Variants in ZSWIM5 observed in about 807,000 individuals in gnomAD.
ZSWIM5 encodes the protein zinc finger SWIM domain-containing protein 5.
A neutral mutation model predicts 119.6 loss-of-function variants in ZSWIM5; 55 were observed. That is an observed-to-expected ratio of 0.46 (90% CI 0.37 to 0.58). The LOEUF (loss-of-function observed/expected upper bound fraction) is 0.58, where lower values mean the gene tolerates loss of function less well. ZSWIM5 is among the 20% of genes least tolerant of loss of function. The pLI is 0.00. For synonymous variants in ZSWIM5, 537 were observed against 606.9 expected, an observed-to-expected ratio of 0.88 and a Z score of 1.69; for missense variants, 1,193 against 1,512.8, an observed-to-expected ratio of 0.79 and a Z score of 3.51.
At chr1:45,030,430 A>G (rs1644946068) in intron 11 of ZSWIM5, among the ~76,000 whole-genome samples, 2 of 151,820 alleles carry the variant, frequency 1.3e-5, no homozygotes, top group Non-Finnish European at 2.9e-5. Flanking sequence ...TATTTTTAGT[A>G]CAGACAGGGT....
chr1:45,077,808 C>A (rs1362784769), intron 2 of ZSWIM5, among the ~76,000 whole-genome samples: 4 of 152,202 alleles, frequency 2.6e-5, no homozygotes, highest in African/African-American at 9.7e-5. Flanking sequence ...CAGGGACGTT[C>A]CATGCTGAGA....
At chr1:45,024,178 CTTTCT>C (rs1384889634) in intron 11 of ZSWIM5, among the ~76,000 whole-genome samples, 2 of 138,142 alleles carry the variant, frequency 1.4e-5, no homozygotes, top group African/African-American at 2.6e-5. Context: ...AACAGTTTTT[CTTTCT>C]TTTCTTTTCT....
Position 45,102,721 on chromosome 1 carries a change from T to G in ZSWIM5, c.596-14484A>C, listed in dbSNP as rs114649837. 8.2e-3 allele frequency among the ~76,000 whole-genome samples: 1,245 copies of G among 152,288 alleles called. 11 individuals carry two copies. The highest frequency in any genetic ancestry group is 0.012 in the Non-Finnish European group (787 of 68,030). On this transcript the variant is annotated intron_variant, in intron 1 of 13. Coordinates refer to ENST00000359600, the MANE Select transcript of ZSWIM5 (RefSeq NM_020883.2). The stretch of plus-strand genomic sequence containing the variant: ...TAAGCATGTTTATAAAATTCCTGAT[T>G]TGTGATTAAAATAAGCCAGTAATTA...
intron 1 of ZSWIM5, among the ~76,000 whole-genome samples, chr1:45,172,943 T>G (rs1645955290): frequency 6.6e-6 from 1 of 151,950 alleles, no homozygotes; most frequent in African/African-American, 2.4e-5. Context: ...GTGGGAAGAT[T>G]GCTTAAGACC....
intron 3 of ZSWIM5, 124 bp from the exon 4 acceptor site, chr1:45,058,883 AAAG>A (rs1319810054): frequency 7.4e-6 from 8 of 1,076,026 alleles, no homozygotes; most frequent in Middle Eastern, 2.5e-4. Flanking sequence ...AAAGAGCCAG[AAAG>A]AAGGCCTCTT....
At chr1:45,159,204 T>TA (rs1458464610) in intron 1 of ZSWIM5, among the ~76,000 whole-genome samples, 1 of 152,184 alleles carries the variant, frequency 6.6e-6, no homozygotes, top group Non-Finnish European at 1.5e-5. Flanking sequence ...TAAGTTATAG[T>TA]AATCACTATA....
chr1:45,094,213 G>A lies in ZSWIM5; in HGVS notation c.596-5976C>T, dbSNP rs563842133. Reference sequence around the variant, plus strand: ...TGGGATTACAGGCACGCGCCACCACGCCCAGCTAATTTTTGTATTTTTAGT... The same window carrying A: ...TGGGATTACAGGCACGCGCCACCACACCCAGCTAATTTTTGTATTTTTAGT... On this transcript the variant is annotated intron_variant, in intron 1 of 13. Transcript: ENST00000359600. 4.0e-5 allele frequency among the ~76,000 whole-genome samples: 6 copies of A among 151,610 alleles called. No homozygotes were observed. In the East Asian group the frequency reaches 7.8e-4, roughly 20 times the overall value.
At chr1:45,110,475 G>A (rs964230776) in intron 1 of ZSWIM5, among the ~76,000 whole-genome samples, 2 of 152,270 alleles carry the variant, frequency 1.3e-5, no homozygotes, top group Admixed American at 6.5e-5. Flanking sequence ...GCTCTGGGAT[G>A]TTTTTGCAGA....
chr1:45,038,307 C>T (rs1420178228), intron 8 of ZSWIM5, among the ~76,000 whole-genome samples: 1 of 152,218 alleles, frequency 6.6e-6, no homozygotes, highest in African/African-American at 2.4e-5. Context: ...TTCTTTCCCA[C>T]TTTCAGACTG....
intron 1 of ZSWIM5, among the ~76,000 whole-genome samples, chr1:45,092,543 C>G (rs1017382216): frequency 1.1e-5 from 1 of 94,856 alleles, no homozygotes; most frequent in Non-Finnish European, 2.5e-5. Flanking sequence ...GATCCACCCC[C>G]CCCCCCCCGC....
At chr1:45,205,708 C>A in intron 1 of ZSWIM5, 48 bp downstream of exon 1, 1 of 1,467,668 alleles carries the variant, frequency 6.8e-7, no homozygotes, top group Non-Finnish European at 9.1e-7. Flanking sequence ...AAGAGGCACC[C>A]GCGGAAGAGG....
At chr1:45,032,581 G>A (rs1323773101) in intron 11 of ZSWIM5, among the ~76,000 whole-genome samples, 2 of 149,988 alleles carry the variant, frequency 1.3e-5, no homozygotes, top group East Asian at 3.9e-4. Context: ...TGCTTCCCAG[G>A]TTCAAGCGAT....
At chr1:45,111,471 C>T (rs1208199424) in intron 1 of ZSWIM5, among the ~76,000 whole-genome samples, 5 of 152,224 alleles carry the variant, frequency 3.3e-5, no homozygotes, top group African/African-American at 9.6e-5. Flanking sequence ...TAACAAATTA[C>T]CACAAATTTG....
intron 2 of ZSWIM5, among the ~76,000 whole-genome samples, chr1:45,069,331 T>C (rs986040397): frequency 2.7e-5 from 4 of 150,668 alleles, no homozygotes; most frequent in Admixed American, 6.6e-5. Context: ...GAGGCTGAAG[T>C]AGGAGAATGG....
intron 2 of ZSWIM5, among the ~76,000 whole-genome samples, chr1:45,078,823 A>G (rs1366240195): frequency 6.6e-6 from 1 of 152,120 alleles, no homozygotes; most frequent in African/African-American, 2.4e-5. Flanking sequence ...GGACTAGAGT[A>G]AAAAAACCTT....
intron 1 of ZSWIM5, among the ~76,000 whole-genome samples, chr1:45,196,772 T>G (rs1340694298): frequency 6.6e-6 from 1 of 152,130 alleles, no homozygotes; most frequent in Non-Finnish European, 1.5e-5. Flanking sequence ...AAGCATACAA[T>G]TTAATAAGTT....
chr1:45,096,900 C>G (rs78592645), intron 1 of ZSWIM5, among the ~76,000 whole-genome samples: 3,126 of 152,238 alleles, frequency 0.021, 114 homozygotes, highest in African/African-American at 0.072. Flanking sequence ...TAAGAACCCC[C>G]ACCATCATGT....
At chr1:45,038,623 A>ATTTTTTTTTTTTTTTT (rs1645000137) in intron 8 of ZSWIM5, among the ~76,000 whole-genome samples, 1 of 1,414 alleles carries the variant, frequency 7.1e-4, no homozygotes. Context: ...TTTTTTTTTA[A>ATTTTTTTTTTTTTTTT]TGAAACAGGG....
rs1270982618 is a variant in ZSWIM5 at position 45,185,701 on chromosome 1, G to C, written c.595+20055C>G. ...GAAATGCAAATCAAAACCACAATGA[G>C]ATACCATCTCACACCAGTTAGAATG... On this transcript the variant is annotated intron_variant, in intron 1 of 13. Coordinates refer to ENST00000359600, the MANE Select transcript of ZSWIM5 (RefSeq NM_020883.2). 2.0e-5 allele frequency among the ~76,000 whole-genome samples: 3 copies of C among 152,188 alleles called. No homozygotes were observed. In the East Asian group the frequency reaches 5.8e-4, roughly 29 times the overall value.
Sources: allele counts gnomAD v4.1 joint callset (sites outside exome capture counted in the v4.1 genomes callset), GRCh38; gene constraint gnomAD v4.1.1; transcripts MANE v1.5; gene names NCBI Gene and HGNC (gene_info 2026-07-23, HGNC 2026-07-21).